Variants in MLLT10 observed in about 807,000 individuals in gnomAD.
MLLT10 encodes the protein protein AF-10.
In MLLT10, 30 loss-of-function variants were observed where a neutral mutation model predicts 129.1. The observed-to-expected ratio is 0.23, with a 90% confidence interval of 0.17 to 0.32. MLLT10 has a LOEUF of 0.32. MLLT10 is among the 10% of genes least tolerant of loss of function. MLLT10 has a pLI of 1.00. For synonymous variants in MLLT10, 490 were observed against 446.4 expected, an observed-to-expected ratio of 1.10 and a Z score of -1.23; for missense variants, 1,119 against 1,268.3, an observed-to-expected ratio of 0.88 and a Z score of 1.79.
intron 3 of MLLT10, chr10:21,571,838 G>T (rs1045642513): frequency 6.6e-6 from 1 of 152,098 alleles, no homozygotes; most frequent in African/African-American, 2.4e-5. Context: ...CCTAAATACT[G>T]ATCCTGTGTC....
At chr10:21,733,446 T>C in intron 18 of MLLT10, 58 bp from the exon 19 acceptor site, 1 of 1,107,288 alleles carries the variant, frequency 9.0e-7, no homozygotes, top group Non-Finnish European at 1.2e-6. Context: ...CCTTTAATCT[T>C]ACACATAATG....
chr10:21,669,411 T>C (rs1206077619), intron 9 of MLLT10, among the ~76,000 whole-genome samples: 1 of 152,188 alleles, frequency 6.6e-6, no homozygotes, highest in Non-Finnish European at 1.5e-5. Flanking sequence ...TTCATCTGAT[T>C]GTTTGTGTTG....
chr10:21,611,944 A>G (rs1378176292), intron 5 of MLLT10, among the ~76,000 whole-genome samples: 1 of 152,150 alleles, frequency 6.6e-6, no homozygotes, highest in Non-Finnish European at 1.5e-5. Context: ...ACCCTCTTAG[A>G]TATGATTATT....
intron 14 of MLLT10, among the ~76,000 whole-genome samples, chr10:21,714,913 A>G (rs1043777080): frequency 7.2e-5 from 11 of 152,160 alleles, no homozygotes; most frequent in Non-Finnish European, 1.5e-4. Flanking sequence ...GCTGTACCCA[A>G]TCCCCCTGTA....
chr10:21,595,786 T>G (rs1564476591), intron 5 of MLLT10, among the ~76,000 whole-genome samples: 1 of 152,144 alleles, frequency 6.6e-6, no homozygotes, highest in Non-Finnish European at 1.5e-5. Flanking sequence ...TTATTTTGCA[T>G]AATATTCATT....
chr10:21,665,301 T>TGGG (rs60935994), intron 9 of MLLT10, among the ~76,000 whole-genome samples: 5 of 113,012 alleles, frequency 4.4e-5, no homozygotes, highest in East Asian at 7.2e-4. Flanking sequence ...TTGTTTTTTT[T>TGGG]GGGGGGGGGG....
intron 3 of MLLT10, among the ~76,000 whole-genome samples, chr10:21,562,752 G>A (rs2038986288): frequency 6.9e-6 from 1 of 145,800 alleles, no homozygotes; most frequent in African/African-American, 2.6e-5. Flanking sequence ...GTAAAGTTTT[G>A]TGATTTTTCT....
chr10:21,680,895 C>A (rs949291295), intron 11 of MLLT10, among the ~76,000 whole-genome samples: 1 of 151,804 alleles, frequency 6.6e-6, no homozygotes, highest in Non-Finnish European at 1.5e-5. Flanking sequence ...TCACTTGAAC[C>A]CAGTGAGCCG....
At chr10:21,688,201 C>T (rs2053491516) in intron 13 of MLLT10, among the ~76,000 whole-genome samples, 1 of 152,136 alleles carries the variant, frequency 6.6e-6, no homozygotes, top group African/African-American at 2.4e-5. Flanking sequence ...ATTGAAACTG[C>T]AAGAGGGGTG....
chr10:21,722,309 A>G (rs1354174188), intron 14 of MLLT10, among the ~76,000 whole-genome samples: 2 of 152,154 alleles, frequency 1.3e-5, no homozygotes, highest in African/African-American at 4.8e-5. Flanking sequence ...TAAGATTGAA[A>G]TGTCATATAA....
intron 3 of MLLT10, among the ~76,000 whole-genome samples, chr10:21,541,861 G>A (rs2130906713): frequency 6.6e-6 from 1 of 152,316 alleles, no homozygotes; most frequent in Middle Eastern, 3.4e-3. Context: ...TTGTGTGTGA[G>A]AATGCACTTT....
chr10:21,551,807 T>G (rs2037091138), intron 3 of MLLT10: 1 of 429,050 alleles, frequency 2.3e-6, no homozygotes, highest in African/African-American at 2.1e-5. Flanking sequence ...TCTCTTTTTT[T>G]TTTTTTAGGC....
chr10:21,588,761 G>A (rs1351712999), intron 4 of MLLT10, among the ~76,000 whole-genome samples: 1 of 151,236 alleles, frequency 6.6e-6, no homozygotes, highest in Non-Finnish European at 1.5e-5. Flanking sequence ...TCTTTTTATA[G>A]TTTGAAGAGC....
At chr10:21,541,932 G>C (rs1273344325) in intron 3 of MLLT10, among the ~76,000 whole-genome samples, 1 of 152,202 alleles carries the variant, frequency 6.6e-6, no homozygotes, top group Non-Finnish European at 1.5e-5. Context: ...ATCAATCATA[G>C]AAAGTTTGGG....
chr10:21,699,836 T>C (rs1380657919), intron 13 of MLLT10, among the ~76,000 whole-genome samples: 1 of 152,246 alleles, frequency 6.6e-6, no homozygotes, highest in Non-Finnish European at 1.5e-5. Flanking sequence ...GTTCTTTTGC[T>C]CAGGATTACT....
rs994241427 is a variant in MLLT10, at chr10:21,732,836, C to A, written c.2219-63C>A. ...CTTATTTCTAAGGTTACCGGCACTGCGTAAAATACTTAGTCTTATGTGTGT... is the reference window on the plus strand; with the variant it reads ...CTTATTTCTAAGGTTACCGGCACTGAGTAAAATACTTAGTCTTATGTGTGT... On this transcript the variant is annotated intron_variant, in intron 17 of 22. Coordinates refer to ENST00000307729, the MANE Select transcript of MLLT10 (RefSeq NM_001195626.3). The A allele has an allele frequency of 4.0e-5, 54 of 1,353,120 alleles. No homozygotes were observed. The African/African-American group carries it at 5.5e-4, about 14-fold the overall frequency. The allele number at this position is 1,353,120 out of a possible 1,614,324, so 83.8% of individuals were successfully genotyped here.
intron 8 of MLLT10, among the ~76,000 whole-genome samples, chr10:21,641,096 C>G (rs962316698): frequency 6.6e-6 from 1 of 152,218 alleles, no homozygotes; most frequent in East Asian, 1.9e-4. Context: ...ACCCAGTGCA[C>G]TGGCTGCATG....
chr10:21,731,353 G>A (rs2057955181), intron 17 of MLLT10, among the ~76,000 whole-genome samples: 1 of 151,928 alleles, frequency 6.6e-6, no homozygotes, highest in Non-Finnish European at 1.5e-5. Context: ...CCATATCAGA[G>A]GGTTATTGTG....
rs1281433692 is a variant in MLLT10 at position 21,623,304 on chromosome 10, C to T, written c.699+6097C>T. On this transcript the variant is annotated intron_variant, in intron 8 of 22. Transcript: ENST00000307729. Reference sequence around the variant, plus strand: ...ATCTCTGATCACATGGTTGGTTCCTCTGGTGATCAGCGTCTATCCTCCAAG... The same window carrying T: ...ATCTCTGATCACATGGTTGGTTCCTTTGGTGATCAGCGTCTATCCTCCAAG... Among the ~76,000 whole-genome samples, 7 of 152,170 alleles carry T rather than the reference C, an allele frequency of 4.6e-5. No homozygotes were observed. In the East Asian group the frequency reaches 1.3e-3, roughly 29 times the overall value.
Sources: gnomAD v4.1 joint callset for allele counts (sites outside exome capture counted in the v4.1 genomes callset) on GRCh38, gnomAD v4.1.1 for gene constraint, MANE v1.5 for transcripts, NCBI Gene and HGNC (gene_info 2026-07-23, HGNC 2026-07-21) for gene names.